The following HTR7 variants were observed in gnomAD, a reference collection of about 807,000 sequenced individuals.
The protein encoded by HTR7 is 5-hydroxytryptamine receptor 7, also known as 5-HT-7.
In HTR7, 16 loss-of-function variants were observed where a neutral mutation model predicts 34.0. The ratio of observed to expected loss-of-function variants is 0.47; its 90% CI spans 0.32 to 0.71. HTR7 has a LOEUF of 0.71. HTR7 is among the 30% of genes least tolerant of loss of function. HTR7 has a pLI of 0.04. For missense variants in HTR7, 504 were observed against 625.5 expected (o/e 0.81, Z 2.07); for synonymous variants, 265 against 260.2 (o/e 1.02, Z -0.18).
chr10:90,755,143 A>G (rs1844816551), intron 1 of HTR7, among the ~76,000 whole-genome samples: 1 of 152,218 alleles, frequency 6.6e-6, no homozygotes, highest in East Asian at 1.9e-4. Flanking sequence ...CAAGGACTTT[A>G]TACTTACCAC....
intron 1 of HTR7, among the ~76,000 whole-genome samples, chr10:90,835,231 C>A (rs529075585): frequency 1.3e-5 from 2 of 152,184 alleles, no homozygotes; most frequent in African/African-American, 4.8e-5. Flanking sequence ...ATAAGCTAAA[C>A]CATCCCCATG....
chr10:90,751,051 C>T (rs1441484825), intron 1 of HTR7, among the ~76,000 whole-genome samples: 1 of 152,132 alleles, frequency 6.6e-6, no homozygotes, highest in Non-Finnish European at 1.5e-5. Context: ...AACTTCTGAT[C>T]CCTTCCAAGG....
chr10:90,772,994 T>C (rs1463233338), intron 1 of HTR7, among the ~76,000 whole-genome samples: 1 of 152,210 alleles, frequency 6.6e-6, no homozygotes, highest in African/African-American at 2.4e-5. Flanking sequence ...CAGAGCTTCC[T>C]CTTAACCAAT....
At chr10:90,809,161 C>G (rs1273798920) in intron 1 of HTR7, among the ~76,000 whole-genome samples, 1 of 152,160 alleles carries the variant, frequency 6.6e-6, no homozygotes, top group Non-Finnish European at 1.5e-5. Context: ...TCTTCTCCAC[C>G]CTATAATCCT....
intron 1 of HTR7, among the ~76,000 whole-genome samples, chr10:90,851,672 G>A (rs1353464039): frequency 1.3e-5 from 2 of 149,706 alleles, no homozygotes; most frequent in Non-Finnish European, 3.0e-5. Flanking sequence ...TAAGAATTGA[G>A]AGGATTTGTC....
At chr10:90,743,462 C>T in intron 3 of HTR7, 131 bp downstream of exon 3, 1 of 735,834 alleles carries the variant, frequency 1.4e-6, no homozygotes, top group Admixed American at 2.3e-5. Context: ...AGCCCAGGGC[C>T]ACTGTCTCTT....
chr10:90,741,334 A>T lies in HTR7; in HGVS notation c.*1148T>A, dbSNP rs1377937023. The T allele has an allele frequency of 6.6e-6, 1 of 152,532 alleles. No homozygotes were observed. The highest frequency in any genetic ancestry group is 6.6e-5 in the Admixed American group (1 of 15,266). The allele number at this position is 152,532 out of a possible 1,614,324, so 9.4% of individuals were successfully genotyped here. On this transcript the variant is annotated 3_prime_UTR_variant, in exon 4 of 4. Coordinates refer to ENST00000336152, the MANE Select transcript of HTR7 (RefSeq NM_019859.4). ...GCAAAGAGACCTTTTCTGTTTCCTCACCTGCCTTTCATGTCTACCATTTTT... is the reference window on the plus strand; with the variant it reads ...GCAAAGAGACCTTTTCTGTTTCCTCTCCTGCCTTTCATGTCTACCATTTTT...
At chr10:90,758,602 G>A (rs910294086) in intron 1 of HTR7, among the ~76,000 whole-genome samples, 1 of 152,068 alleles carries the variant, frequency 6.6e-6, no homozygotes, top group South Asian at 2.1e-4. Flanking sequence ...CATGTAAAAA[G>A]TATACAGTGA....
intron 2 of HTR7, among the ~76,000 whole-genome samples, chr10:90,748,489 G>T (rs1352042358): frequency 1.3e-5 from 2 of 152,164 alleles, no homozygotes; most frequent in African/African-American, 2.4e-5. Flanking sequence ...CTGGACAGAA[G>T]AATAATAACA....
chr10:90,747,642 T>C (rs970021158), intron 2 of HTR7, among the ~76,000 whole-genome samples: 6 of 152,228 alleles, frequency 3.9e-5, no homozygotes, highest in African/African-American at 1.2e-4. Flanking sequence ...GTGTGAGACA[T>C]CTCACTTTTC....
At chr10:90,766,125 C>T (rs1463357306) in intron 1 of HTR7, among the ~76,000 whole-genome samples, 1 of 152,094 alleles carries the variant, frequency 6.6e-6, no homozygotes, top group Non-Finnish European at 1.5e-5. Flanking sequence ...ATATTTAAGT[C>T]CCCTACTATT....
At chr10:90,746,024 T>C (rs1275222981) in intron 2 of HTR7, among the ~76,000 whole-genome samples, 1 of 152,214 alleles carries the variant, frequency 6.6e-6, no homozygotes, top group Non-Finnish European at 1.5e-5. Flanking sequence ...AAAGGCACAG[T>C]AGCATAGAAG....
At chr10:90,795,397 T>A (rs1205860517) in intron 1 of HTR7, among the ~76,000 whole-genome samples, 1 of 152,196 alleles carries the variant, frequency 6.6e-6, no homozygotes, top group African/African-American at 2.4e-5. Context: ...CCTTCTACCA[T>A]GTCCACCACC....
At chr10:90,852,926 T>C (rs917136044) in intron 1 of HTR7, among the ~76,000 whole-genome samples, 4 of 152,182 alleles carry the variant, frequency 2.6e-5, no homozygotes, top group African/African-American at 7.2e-5. Flanking sequence ...TTTACATGGA[T>C]GTGGAAATTC....
At chr10:90,753,732 G>GAT (rs202228756) in intron 1 of HTR7, among the ~76,000 whole-genome samples, 121 of 151,048 alleles carry the variant, frequency 8.0e-4, no homozygotes, top group South Asian at 1.0e-3. Flanking sequence ...GATTAGATAT[G>GAT]ATATATATAT....
At chr10:90,815,079 T>G (rs1054283984) in intron 1 of HTR7, among the ~76,000 whole-genome samples, 16 of 137,004 alleles carry the variant, frequency 1.2e-4, no homozygotes, top group African/African-American at 4.8e-4. Context: ...TTGGATTTTT[T>G]TTTTGTTTTT....
chr10:90,759,626 CAGTCCGGCCT>C (rs1844899143), intron 1 of HTR7, among the ~76,000 whole-genome samples: 1 of 129,426 alleles, frequency 7.7e-6, no homozygotes, highest in Non-Finnish European at 1.5e-5. Context: ...CTGCAGTCCG[CAGTCCGGCCT>C]GGGCGACAGA....
intron 1 of HTR7, among the ~76,000 whole-genome samples, chr10:90,812,289 G>A (rs11186316): frequency 0.28 from 41,463 of 150,038 alleles, 6,180 homozygotes; most frequent in African/African-American, 0.4. Context: ...ACCATTCTCA[G>A]CTACTCATAC....
intron 1 of HTR7, among the ~76,000 whole-genome samples, chr10:90,851,031 A>G (rs1846489671): frequency 6.6e-6 from 1 of 152,226 alleles, no homozygotes; most frequent in Non-Finnish European, 1.5e-5. Flanking sequence ...GGAACCCCAA[A>G]CAGGGTTAAC....
Sources: allele counts gnomAD v4.1 joint callset (sites outside exome capture counted in the v4.1 genomes callset), GRCh38; gene constraint gnomAD v4.1.1; transcripts MANE v1.5; gene names NCBI Gene and HGNC (gene_info 2026-07-23, HGNC 2026-07-21).